The following TMF1 variants were observed in gnomAD, a reference collection of about 807,000 sequenced individuals.
TMF1 encodes the protein TATA element modulatory factor.
A neutral mutation model predicts 126.5 loss-of-function variants in TMF1; 71 were observed. The observed-to-expected ratio is 0.56, with a 90% CI of 0.46 to 0.68. The LOEUF (loss-of-function observed/expected upper bound fraction) is 0.68, where lower values mean the gene tolerates loss of function less well. TMF1 is among the 30% of genes least tolerant of loss of function. TMF1 has a pLI of 0.00. For missense variants in TMF1, 1,259 were observed against 1,253.2 expected (o/e 1.00, Z -0.07); for synonymous variants, 461 against 430.5 (o/e 1.07, Z -0.88).
intron 10 of TMF1, among the ~76,000 whole-genome samples, chr3:69,032,613 CTT>C (rs11447014): frequency 3.5e-5 from 5 of 143,736 alleles, no homozygotes; most frequent in Non-Finnish European, 6.0e-5. Context: ...AATATGGAAT[CTT>C]TTTTTTTTTT....
At chr3:69,023,359 C>T (rs745889262) in intron 16 of TMF1, 39 bp from the exon 17 acceptor site, 73 of 1,505,076 alleles carry the variant, frequency 4.9e-5, no homozygotes, top group Admixed American at 1.9e-5. Flanking sequence ...AAAATAACTA[C>T]ACAGAACATC....
At position 69,038,870 on chromosome 3, in the gene TMF1, A is replaced by C; in HGVS notation, c.1967T>G (p.Ile656Ser). The C allele has an allele frequency of 6.2e-7, 1 of 1,609,562 alleles. No individual in the cohort carries two copies. The highest frequency in any genetic ancestry group is 1.3e-5 in the African/African-American group (1 of 74,630). Residue 656 changes from isoleucine (I) to serine (S), a missense_variant, in exon 7 of 17, where the codon ATT becomes AGT. Coordinates refer to ENST00000398559, the MANE Select transcript of TMF1 (RefSeq NM_007114.3). ...GTATGCACTATCCAGGGCAGCCTGAATACTTCGGTTCTTTTCTTCAAGTTC... is the reference window on the plus strand; with the variant it reads ...GTATGCACTATCCAGGGCAGCCTGACTACTTCGGTTCTTTTCTTCAAGTTC... ...MDELEEKNRS[I>S]QAALDSAYKE...
At chr3:69,051,044 G>A (rs13319158) in intron 1 of TMF1, among the ~76,000 whole-genome samples, 8 of 152,094 alleles carry the variant, frequency 5.3e-5, no homozygotes, top group African/African-American at 1.9e-4. Flanking sequence ...ACATTTTCCG[G>A]CTAATACCTC....
chr3:69,034,987 T>C, intron 9 of TMF1, 36 bp downstream of exon 9: 1 of 1,537,582 alleles, frequency 6.5e-7, no homozygotes, highest in African/African-American at 1.4e-5. Context: ...AAACACATAC[T>C]TCTTGGATTT....
intron 11 of TMF1, among the ~76,000 whole-genome samples, chr3:69,029,000 C>T (rs189855306): frequency 4.6e-5 from 7 of 152,042 alleles, no homozygotes; most frequent in Admixed American, 3.9e-4. Flanking sequence ...GACAATGAAT[C>T]CCAGTACTAT....
chr3:69,025,456 T>C, intron 15 of TMF1, 104 bp downstream of exon 15: 1 of 1,173,660 alleles, frequency 8.5e-7, no homozygotes, highest in Admixed American at 2.3e-5. Context: ...CACTATGTCA[T>C]CTTGTTTCTC....
chr3:69,046,638 G>A (rs1559635172), intron 2 of TMF1, among the ~76,000 whole-genome samples: 1 of 152,136 alleles, frequency 6.6e-6, no homozygotes, highest in Non-Finnish European at 1.5e-5. Context: ...AAAAGTCACA[G>A]TAAAAACCAA....
intron 5 of TMF1, among the ~76,000 whole-genome samples, chr3:69,041,950 T>C (rs1309862524): frequency 2.0e-5 from 3 of 152,214 alleles, no homozygotes; most frequent in African/African-American, 7.2e-5. Context: ...TCCCAGGATA[T>C]TACATGAAGA....
intron 1 of TMF1, among the ~76,000 whole-genome samples, chr3:69,049,433 C>T (rs1430797021): frequency 6.6e-6 from 1 of 152,078 alleles, no homozygotes; most frequent in African/African-American, 2.4e-5. Context: ...TGTTCTTTCC[C>T]GAAGATCATA....
At position 69,021,214 on chromosome 3, in the gene TMF1, T is replaced by C. The variant is rs901606370; in HGVS notation, c.*1963A>G. The C allele has an allele frequency of 2.6e-5, 4 of 152,628 alleles. No individual in the cohort carries two copies. The highest frequency in any genetic ancestry group is 9.6e-5 in the African/African-American group (4 of 41,454). The allele number at this position is 152,628 out of a possible 1,614,324, so 9.5% of individuals were successfully genotyped here. ...TCTCTTGCTGTCCCTGATTTATAAA[T>C]AGAACTTTATCATAGGTATATATGT... On this transcript the variant is annotated 3_prime_UTR_variant, in exon 17 of 17. Coordinates refer to ENST00000398559, the MANE Select transcript of TMF1 (RefSeq NM_007114.3).
intron 8 of TMF1, chr3:69,035,419 C>T (rs1249517553): frequency 1.9e-5 from 6 of 315,666 alleles, no homozygotes; most frequent in Non-Finnish European, 3.0e-5. Context: ...ATATTTGCCA[C>T]ATCACACAGA....
chr3:69,025,608 G>T lies in TMF1; in HGVS notation c.2964C>A (p.Asn988Lys). The change falls in exon 15 of 17, where the codon AAC becomes AAA. Residue 988 changes from asparagine to lysine, a missense_variant. Asn to Lys is a moderately conservative substitution (Grantham distance 94). Coordinates refer to ENST00000398559, the MANE Select transcript of TMF1 (RefSeq NM_007114.3). ...CCCTTAGCTTTAGCTGAGACTGTAG[G>T]TTTTCAATTATGCTTGATCCTGCTC... ...RMGAGSSIIENLQSQLKLREG... is the reference protein window; with the variant it reads ...RMGAGSSIIEKLQSQLKLREG... The T allele has an allele frequency of 6.2e-7, 1 of 1,613,996 alleles. No individual in the cohort carries two copies. Among genetic ancestry groups the T allele is most frequent in the Non-Finnish European group, 8.5e-7 (1 of 1,179,954 alleles).
At chr3:69,042,041 T>G (rs1223290430) in intron 5 of TMF1, among the ~76,000 whole-genome samples, 1 of 152,120 alleles carries the variant, frequency 6.6e-6, no homozygotes, top group Admixed American at 6.6e-5. Flanking sequence ...TTTATTTTAT[T>G]TATTTATTTT....
At chr3:69,051,801 C>G in intron 1 of TMF1, 144 bp downstream of exon 1, 1 of 941,016 alleles carries the variant, frequency 1.1e-6, no homozygotes, top group Non-Finnish European at 1.5e-6. Flanking sequence ...GAGGCTGAAG[C>G]AGCATTAGGG....
rs775356915 is a variant in TMF1, at chr3:69,028,280, C to T, written c.2610G>A (p.Leu870=). The T allele has an allele frequency of 6.2e-7, 1 of 1,611,340 alleles. No homozygotes were observed. Among genetic ancestry groups the T allele is most frequent in the South Asian group, 1.1e-5 (1 of 91,016 alleles). ...TTACATATTCATCTTTTAGGTTTTC[C>T]AATTCAACCTGGTACCTATTAAACA... ...EDENNRYQVE[L]ENLKDEYVRT... The change falls in exon 12 of 17, where the codon TTG becomes TTA. Residue 870 remains leucine, a synonymous_variant. Coordinates refer to ENST00000398559, the MANE Select transcript of TMF1 (RefSeq NM_007114.3).
In TMF1 at chr3:69,042,828, T is replaced by A; in HGVS notation, c.1663A>T (p.Ile555Phe). The change falls in exon 5 of 17, where the codon ATC (isoleucine) becomes TTC (phenylalanine). Residue 555 changes from isoleucine to phenylalanine, a missense_variant. Transcript: ENST00000398559. ...ADLLKEKDEQ[I>F]RGLMEEGEKL... is the part of the protein sequence containing the mutation. Reference sequence around the variant, plus strand: ...GCACCTTCTTCCATTAACCCTCGGATCTGCTCATCTTTCTCTTTCAAAAGG... The same window carrying A: ...GCACCTTCTTCCATTAACCCTCGGAACTGCTCATCTTTCTCTTTCAAAAGG... The A allele has an allele frequency of 6.2e-7, 1 of 1,613,650 alleles. No individual in the cohort carries two copies. The highest frequency in any genetic ancestry group is 1.1e-5 in the South Asian group (1 of 91,072).
rs1439358965 is a variant in TMF1, at chr3:69,048,569, C to CA, written c.143-8dup. 5.1e-6 allele frequency: 8 copies of CA among 1,557,730 alleles called. No homozygotes were observed. The highest frequency in any genetic ancestry group is 6.9e-6 in the Non-Finnish European group (8 of 1,155,710). ...CTGACAGGGGAACTTATTCCTTTAACAAAAAAGTAAATATTAAAAAAGAAC... is the reference window on the plus strand; with the variant it reads ...CTGACAGGGGAACTTATTCCTTTAACAAAAAAAGTAAATATTAAAAAAGAAC... On this transcript the variant is annotated splice_polypyrimidine_tract_variant and splice_region_variant and intron_variant, in intron 1 of 16. Transcript: ENST00000398559.
At position 69,024,265 on chromosome 3, in the gene TMF1, GTGGT is replaced by G; in HGVS notation, c.3013-89_3013-86del. On this transcript the variant is annotated intron_variant, in intron 15 of 16. Transcript: ENST00000398559. ...TAATATAAAAATATTTAATGTGTGT[GTGGT>G]TTTTTTTTTTTTTTTGAAATAGACA... 3.6e-6 allele frequency: 4 copies of G among 1,122,904 alleles called. No individual in the cohort carries two copies. The East Asian group carries it at 8.9e-5, about 25-fold the overall frequency. 69.6% of individuals were successfully genotyped at this position (1,122,904 alleles called of 1,614,324 possible).
Position 69,047,562 on chromosome 3 carries a change from A to G in TMF1, c.1143T>C (p.Asn381=). 3 of 1,614,126 alleles carry G rather than the reference A, an allele frequency of 1.9e-6. No individual in the cohort carries two copies. The highest frequency in any genetic ancestry group is 2.5e-6 in the Non-Finnish European group (3 of 1,180,020). ...ESAEGKSEEV[N]ETLVIPTEEA... ...CCTCAGTGGGTATAACTAATGTTTC[A>G]TTTACTTCTTCAGATTTTCCTTCAG... Residue 381 remains asparagine (N), a synonymous_variant, in exon 2 of 17, where the codon AAT becomes AAC. Transcript: ENST00000398559.
Sources: allele counts gnomAD v4.1 joint callset (sites outside exome capture counted in the v4.1 genomes callset), GRCh38; gene constraint gnomAD v4.1.1; transcripts MANE v1.5; gene names NCBI Gene and HGNC (gene_info 2026-07-23, HGNC 2026-07-21).